Variants in GRID2IP observed in about 807,000 individuals in gnomAD.
GRID2IP encodes delphilin.
A neutral mutation model predicts 114.3 loss-of-function variants in GRID2IP; 78 were observed. The ratio of observed to expected loss-of-function variants is 0.68; its 90% CI spans 0.57 to 0.82. The LOEUF (loss-of-function observed/expected upper bound fraction) is 0.82, where lower values mean the gene tolerates loss of function less well. GRID2IP is among the 40% of genes least tolerant of loss of function. GRID2IP has a pLI of 0.00. For synonymous variants in GRID2IP, 809 were observed against 724.0 expected (o/e 1.12, Z -1.89); for missense variants, 1,727 against 1,678.5 (o/e 1.03, Z -0.51).
chr7:6,503,912 G>C (rs1012764516), intron 15 of GRID2IP, among the ~76,000 whole-genome samples: 5 of 151,772 alleles, frequency 3.3e-5, no homozygotes, highest in African/African-American at 1.2e-4. Flanking sequence ...ATATTGGCCT[G>C]GGCTAAGGGG....
chr7:6,537,605 C>G (rs1354376416), intron 2 of GRID2IP, among the ~76,000 whole-genome samples: 1 of 151,236 alleles, frequency 6.6e-6, no homozygotes, highest in Non-Finnish European at 1.5e-5. Context: ...GTCTCGAACT[C>G]CTGATCTCAT....
chr7:6,501,595 A>G (rs1160920966), intron 20 of GRID2IP, among the ~76,000 whole-genome samples, 186 bp downstream of exon 20: 1 of 148,258 alleles, frequency 6.7e-6, no homozygotes, highest in East Asian at 1.9e-4. Context: ...ACCCTGCCTC[A>G]ATCAATCAAT....
intron 2 of GRID2IP, among the ~76,000 whole-genome samples, chr7:6,530,831 T>C (rs1021157080): frequency 3.9e-5 from 6 of 152,190 alleles, no homozygotes; most frequent in Non-Finnish European, 5.9e-5. Context: ...ACCGACTCTT[T>C]AGGGCCACGC....
chr7:6,526,156 G>A lies in GRID2IP; in HGVS notation c.919+68C>T. On this transcript the variant is annotated intron_variant, in intron 4 of 21. Transcript: ENST00000457091. This position sits in a 1 kb window ranked among gnomAD's most constrained non-coding sequence, Gnocchi z 7.6. ...ACATGGGGTACAATGACCCGGCAGA[G>A]CCACCACGGGGCCCTTCACCCCATC... The A allele has an allele frequency of 1.6e-6, 2 of 1,269,158 alleles. No homozygotes were observed. The highest frequency in any genetic ancestry group is 1.1e-6 in the Non-Finnish European group (1 of 891,658). 78.6% of individuals were successfully genotyped at this position (1,269,158 alleles called of 1,614,324 possible).
intron 1 of GRID2IP, among the ~76,000 whole-genome samples, chr7:6,548,973 T>A (rs1285414204): frequency 6.6e-6 from 1 of 152,134 alleles, no homozygotes; most frequent in Non-Finnish European, 1.5e-5. Flanking sequence ...GGCTCCGGAC[T>A]ATTTCCTAGT....
chr7:6,527,706 C>T (rs1219744922), intron 2 of GRID2IP, among the ~76,000 whole-genome samples: 2 of 152,140 alleles, frequency 1.3e-5, no homozygotes, highest in Non-Finnish European at 2.9e-5. Flanking sequence ...TCAAGGGATC[C>T]TCCTGCCTCA....
In GRID2IP at chr7:6,520,471, AG is replaced by A. The variant is rs1779391079; in HGVS notation, c.1268+106del. On this transcript the variant is annotated intron_variant, in intron 7 of 21. Transcript: ENST00000457091. This position sits in a 1 kb window ranked among gnomAD's most constrained non-coding sequence, Gnocchi z 4.6. ...GCAGCCACCTTCCTGAGCATCCCCCAGGAGAACGGGACTGAGGAGGTTCAGG... is the reference window on the plus strand; with the variant it reads ...GCAGCCACCTTCCTGAGCATCCCCCAGAGAACGGGACTGAGGAGGTTCAGG... The A allele has an allele frequency of 2.4e-6, 3 of 1,253,428 alleles. No homozygotes were observed. Among genetic ancestry groups the A allele is most frequent in the Non-Finnish European group, 3.3e-6 (3 of 921,868 alleles). The allele number at this position is 1,253,428 out of a possible 1,614,324, so 77.6% of individuals were successfully genotyped here. A position where few individuals can be genotyped will look rare whatever the true frequency, so the allele number is the denominator to read the frequency against.
intron 2 of GRID2IP, among the ~76,000 whole-genome samples, chr7:6,529,976 T>TA (rs1779587274): frequency 6.8e-6 from 1 of 147,464 alleles, no homozygotes; most frequent in South Asian, 2.1e-4. Flanking sequence ...TTTTTTTTTT[T>TA]AAGACAAAGT....
chr7:6,509,080 T>C lies in GRID2IP; in HGVS notation c.2005A>G (p.Thr669Ala). The C allele has an allele frequency of 6.7e-7, 1 of 1,500,442 alleles. No homozygotes were observed. The highest frequency in any genetic ancestry group is 8.9e-7 in the Non-Finnish European group (1 of 1,124,600). The allele number at this position is 1,500,442 out of a possible 1,614,324, so 92.9% of individuals were successfully genotyped here. The stretch of plus-strand genomic sequence containing the variant: ...CGGCTTCGCACAGGGTGGGAGAAGG[T>C]GAAGAGCTTCCTGCGGCTGGGCGGG... ...TRPPSRRKLF[T>A]FSHPVRSRDT... Residue 669 changes from threonine (T) to alanine (A), a missense_variant, in exon 12 of 22, where the codon ACC (threonine) becomes GCC (alanine). Transcript: ENST00000457091. The surrounding 1 kb of genome is among the most constrained non-coding windows in gnomAD (Gnocchi z 4.9).
At position 6,508,883 on chromosome 7, in the gene GRID2IP, C is replaced by T. The variant is rs1200035249; in HGVS notation, c.2127+75G>A. 47 of 1,489,894 alleles carry T rather than the reference C, an allele frequency of 3.2e-5. No individual in the cohort carries two copies. Among genetic ancestry groups the T allele is most frequent in the Non-Finnish European group, 4.0e-5 (45 of 1,122,130 alleles). The allele number at this position is 1,489,894 out of a possible 1,614,324, so 92.3% of individuals were successfully genotyped here. ...AGGGCAGCAGGCCCCTTGCGGGAGC[C>T]CAGGAACACTGTTGCCTTGCAGACC... On this transcript the variant is annotated intron_variant, in intron 12 of 21. Transcript: ENST00000457091. The surrounding 1 kb of genome is among the most constrained non-coding windows in gnomAD (Gnocchi z 5.6).
In GRID2IP at chr7:6,510,669, G is replaced by T. The variant is rs1490041640; in HGVS notation, c.1593C>A (p.Ile531=). The change falls in exon 10 of 22, where the codon ATC becomes ATA. Residue 531 remains isoleucine, a synonymous_variant. Transcript: ENST00000457091. ...SECPEMPLPL[I]PGERQAGDGT... ...CGTCGCCTGCCTGGCGCTCGCCTGG[G>T]ATCAGGGGAAGAGGCATCTCAGGGC... 6.5e-7 allele frequency: 1 copy of T among 1,542,438 alleles called. No homozygotes were observed. The highest frequency in any genetic ancestry group is 1.4e-5 in the African/African-American group (1 of 72,358).
Position 6,526,791 on chromosome 7 carries a change from T to A in GRID2IP, c.585-22A>T, listed in dbSNP as rs1390773725. 2 of 1,488,120 alleles carry A rather than the reference T, an allele frequency of 1.3e-6. No homozygotes were observed. Among genetic ancestry groups the A allele is most frequent in the Non-Finnish European group, 1.8e-6 (2 of 1,121,262 alleles). 92.2% of individuals were successfully genotyped at this position (1,488,120 alleles called of 1,614,324 possible). On this transcript the variant is annotated intron_variant, in intron 2 of 21. Coordinates refer to ENST00000457091, the MANE Select transcript of GRID2IP (RefSeq NM_001145118.2). This position sits in a 1 kb window ranked among gnomAD's most constrained non-coding sequence, Gnocchi z 7.6. ...GATCCTGCCGGCGAGGACGGCGGAG[T>A]CGGGGCGCGTTCCCGGACCCCGGAT...
Position 6,526,725 on chromosome 7 carries a change from A to G in GRID2IP, c.629T>C (p.Val210Ala). 6.6e-7 allele frequency: 1 copy of G among 1,523,248 alleles called. No homozygotes were observed. The highest frequency in any genetic ancestry group is 8.8e-7 in the Non-Finnish European group (1 of 1,135,382). The allele number at this position is 1,523,248 out of a possible 1,614,324, so 94.4% of individuals were successfully genotyped here. ...CAGCTTGCCCAGGAGGCCCTGAGAC[A>G]CCACCTCGTCGAAGCGCGCCCGGTG... ...KKHRARFDEV[V>A]SQGLLGKLCR... The change falls in exon 3 of 22, where the codon GTG becomes GCG. Residue 210 changes from valine (V) to alanine (A), a missense_variant. Coordinates refer to ENST00000457091, the MANE Select transcript of GRID2IP (RefSeq NM_001145118.2). This position sits in a 1 kb window ranked among gnomAD's most constrained non-coding sequence, Gnocchi z 7.6.
Position 6,521,667 on chromosome 7 carries a change from T to G in GRID2IP, c.990-144A>C. 1 of 696,852 alleles carries G rather than the reference T, an allele frequency of 1.4e-6. No individual in the cohort carries two copies. The allele number at this position is 696,852 out of a possible 1,614,324, so 43.2% of individuals were successfully genotyped here. On this transcript the variant is annotated intron_variant, in intron 5 of 21. Transcript: ENST00000457091. The surrounding 1 kb of genome is among the most constrained non-coding windows in gnomAD (Gnocchi z 4.1). ...CTGTGTCCCCAGCATGGAGCTGGAG[T>G]ATTTTCTGGTTGGAAGGATGAACTG...
At position 6,519,701 on chromosome 7, in the gene GRID2IP, G is replaced by A. The variant is rs1444087438; in HGVS notation, c.1268+877C>T. On this transcript the variant is annotated intron_variant, in intron 7 of 21. Transcript: ENST00000457091. The surrounding 1 kb of genome is among the most constrained non-coding windows in gnomAD (Gnocchi z 4.1). ...GAGTCCGGGAGGTGGGGGTTGCGGT[G>A]AGCCGAGATCGCACCACTGCACTCC... 6.6e-6 allele frequency among the ~76,000 whole-genome samples: 1 copy of A among 151,978 alleles called. No individual in the cohort carries two copies. The highest frequency in any genetic ancestry group is 1.5e-5 in the Non-Finnish European group (1 of 67,992).
chr7:6,526,203 G>A lies in GRID2IP; in HGVS notation c.919+21C>T. On this transcript the variant is annotated intron_variant, in intron 4 of 21. Transcript: ENST00000457091. This position sits in a 1 kb window ranked among gnomAD's most constrained non-coding sequence, Gnocchi z 7.6. ...CATCCTGGGCCTTAGGGACTCTTAG[G>A]GCAACCGGCCCACCCCTCACCAGGC... 1.3e-6 allele frequency: 2 copies of A among 1,548,102 alleles called. No homozygotes were observed. Among genetic ancestry groups the A allele is most frequent in the South Asian group, 2.4e-5 (2 of 83,990 alleles).
rs999068685 is a variant in GRID2IP, at chr7:6,506,433, C to T, written c.2545-526G>A. Among the ~76,000 whole-genome samples the T allele has an allele frequency of 6.6e-6, 1 of 152,068 alleles. No individual in the cohort carries two copies. The highest frequency in any genetic ancestry group is 1.5e-5 in the Non-Finnish European group (1 of 68,002). On this transcript the variant is annotated intron_variant, in intron 13 of 21. Coordinates refer to ENST00000457091, the MANE Select transcript of GRID2IP (RefSeq NM_001145118.2). This position sits in a 1 kb window ranked among gnomAD's most constrained non-coding sequence, Gnocchi z 5.2. ...CAGGGAGTGCGGACGGGGTGGCTGCCAAAGGGAGAGAACCCAAAGGGAGGG... is the reference window on the plus strand; with the variant it reads ...CAGGGAGTGCGGACGGGGTGGCTGCTAAAGGGAGAGAACCCAAAGGGAGGG...
rs969722649 is a variant in GRID2IP at position 6,521,467 on chromosome 7, G to A, written c.1046C>T (p.Thr349Met). The A allele has an allele frequency of 1.2e-5, 19 of 1,549,364 alleles. No homozygotes were observed. The highest frequency in any genetic ancestry group is 2.4e-5 in the East Asian group (1 of 40,838). ...GACGAGCCCTTCCTCCACCACCAGC[G>A]TGGGCATGGCACCACTGCCCTGCAG... ...SMLQGSGAMP[T>M]LVVEEGLVPF... Residue 349 changes from threonine (T) to methionine (M), a missense_variant, in exon 6 of 22, where the codon ACG (threonine) becomes ATG (methionine). Coordinates refer to ENST00000457091, the MANE Select transcript of GRID2IP (RefSeq NM_001145118.2). This position sits in a 1 kb window ranked among gnomAD's most constrained non-coding sequence, Gnocchi z 4.1.
rs1779782073 is a variant in GRID2IP at position 6,539,643 on chromosome 7, G to C, written c.584+75C>G. On this transcript the variant is annotated intron_variant, in intron 2 of 21. Transcript: ENST00000457091. The stretch of plus-strand genomic sequence containing the variant: ...CCCACCTGGGCTGGAAGGGGTGCCT[G>C]GGGTGGTTGTGAGGGAATGATGGCT... 8 of 1,368,664 alleles carry C rather than the reference G, an allele frequency of 5.8e-6. No homozygotes were observed. In the South Asian group the frequency reaches 1.2e-4, roughly 20 times the overall value. 84.8% of individuals were successfully genotyped at this position (1,368,664 alleles called of 1,614,324 possible).
Sources: allele counts gnomAD v4.1 joint callset (sites outside exome capture counted in the v4.1 genomes callset), GRCh38; gene constraint gnomAD v4.1.1; non-coding constraint Gnocchi (gnomAD v3.1); transcripts MANE v1.5; gene names NCBI Gene and HGNC (gene_info 2026-07-23, HGNC 2026-07-21).